Variants in THSD7A observed in about 807,000 individuals in gnomAD.
THSD7A encodes thrombospondin type 1 domain containing 7A, also known as thrombospondin type-1 domain-containing protein 7A.
Under a neutral mutation model 231.3 loss-of-function variants are expected in THSD7A, and 96 were observed. The observed-to-expected ratio is 0.41, with a 90% CI of 0.35 to 0.49. THSD7A has a LOEUF of 0.49. Ranked by LOEUF, THSD7A falls within the 20% of genes least tolerant of loss-of-function variation. THSD7A has a pLI of 0.05. For synonymous variants in THSD7A, 940 were observed against 743.3 expected (o/e 1.26, Z -4.30); for missense variants, 2,290 against 2,070.2 (o/e 1.11, Z -2.06).
At chr7:11,585,489 C>T (rs1791362279) in intron 4 of THSD7A, among the ~76,000 whole-genome samples, 1 of 152,164 alleles carries the variant, frequency 6.6e-6, no homozygotes, top group Admixed American at 6.5e-5. Flanking sequence ...TCTCCATAGG[C>T]TAATTGATAT....
Position 11,406,618 on chromosome 7 carries a change from G to A in THSD7A, c.4063-144C>T. On this transcript the variant is annotated intron_variant, in intron 21 of 27. Transcript: ENST00000423059. This position sits in a 1 kb window ranked among gnomAD's most constrained non-coding sequence, Gnocchi z 4.7. ...AACCCTAGGGAAGAAGCCCTATAGGGCACTAGCAATAAAGCATACATTGAA... is the reference window on the plus strand; with the variant it reads ...AACCCTAGGGAAGAAGCCCTATAGGACACTAGCAATAAAGCATACATTGAA... The A allele has an allele frequency of 1.1e-6, 1 of 919,292 alleles. No individual in the cohort carries two copies. The allele number at this position is 919,292 out of a possible 1,614,324, so 56.9% of individuals were successfully genotyped here. A position where few individuals can be genotyped will look rare whatever the true frequency, so the allele number is the denominator to read the frequency against.
chr7:11,631,905 A>G lies in THSD7A; in HGVS notation c.1022+4225T>C, dbSNP rs556874101. On this transcript the variant is annotated intron_variant, in intron 2 of 27. Transcript: ENST00000423059. ...CTCCTGTAAATTTTATTTAACACTCATAAGAGTTAGTACTGCAGGCTGAGA... is the reference window on the plus strand; with the variant it reads ...CTCCTGTAAATTTTATTTAACACTCGTAAGAGTTAGTACTGCAGGCTGAGA... 2.0e-5 allele frequency among the ~76,000 whole-genome samples: 3 copies of G among 152,278 alleles called. No individual in the cohort carries two copies. The South Asian group carries it at 6.2e-4, about 32-fold the overall frequency.
intron 4 of THSD7A, among the ~76,000 whole-genome samples, chr7:11,560,451 C>G (rs1249604459): frequency 1.0e-5 from 1 of 98,568 alleles, no homozygotes; most frequent in Admixed American, 1.0e-4. Flanking sequence ...TAAAATTTGT[C>G]TAAGCAAAAA....
At chr7:11,803,227 G>A (rs929814691) in intron 1 of THSD7A, among the ~76,000 whole-genome samples, 1 of 152,216 alleles carries the variant, frequency 6.6e-6, no homozygotes, top group South Asian at 2.1e-4. Flanking sequence ...GACAGGCTGA[G>A]TATTTTATCT....
intron 6 of THSD7A, among the ~76,000 whole-genome samples, chr7:11,516,943 A>C (rs1788054331): frequency 1.3e-5 from 2 of 152,326 alleles, no homozygotes; most frequent in South Asian, 4.1e-4. Flanking sequence ...GAGCCTTTAC[A>C]TGATGCAATG....
chr7:11,750,648 G>T (rs114540887), intron 1 of THSD7A, among the ~76,000 whole-genome samples: 7 of 151,916 alleles, frequency 4.6e-5, no homozygotes, highest in African/African-American at 1.7e-4. Context: ...TTGTCTGCAC[G>T]GGGACTACTG....
rs1176496716 is a variant in THSD7A, at chr7:11,377,434, T to A, written c.4802-777A>T. On this transcript the variant is annotated intron_variant, in intron 26 of 27. Transcript: ENST00000423059. The surrounding 1 kb of genome is among the most constrained non-coding windows in gnomAD (Gnocchi z 4.5). ...AATTTGATCCTCACATCAACATATA[T>A]TTTCTGTTGCAATTAAATATTTGAT... 6.6e-6 allele frequency among the ~76,000 whole-genome samples: 1 copy of A among 152,064 alleles called. No homozygotes were observed. Among genetic ancestry groups the A allele is most frequent in the African/African-American group, 2.4e-5 (1 of 41,434 alleles).
At chr7:11,545,265 A>T (rs1360819645) in intron 4 of THSD7A, among the ~76,000 whole-genome samples, 2 of 152,116 alleles carry the variant, frequency 1.3e-5, no homozygotes, top group Non-Finnish European at 2.9e-5. Flanking sequence ...ATGAAAAGTC[A>T]TTTTAAATCT....
intron 1 of THSD7A, among the ~76,000 whole-genome samples, chr7:11,726,559 C>T (rs1268925845): frequency 1.3e-5 from 2 of 151,794 alleles, no homozygotes; most frequent in Non-Finnish European, 2.9e-5. Flanking sequence ...TTTTTTGCAC[C>T]CTAATGGTTC....
intron 6 of THSD7A, among the ~76,000 whole-genome samples, chr7:11,509,882 C>G (rs111943947): frequency 0.034 from 4,972 of 145,382 alleles, 295 homozygotes; most frequent in African/African-American, 0.12. Context: ...TATTAAGAAT[C>G]TGAACATTGG....
At chr7:11,806,452 G>A (rs1266421947) in intron 1 of THSD7A, among the ~76,000 whole-genome samples, 1 of 152,090 alleles carries the variant, frequency 6.6e-6, no homozygotes, top group Non-Finnish European at 1.5e-5. Flanking sequence ...TTATAAGCAG[G>A]GACTTCAGCT....
intron 2 of THSD7A, among the ~76,000 whole-genome samples, chr7:11,595,854 C>T (rs911420877): frequency 3.9e-5 from 6 of 152,168 alleles, no homozygotes; most frequent in African/African-American, 7.2e-5. Flanking sequence ...AAAGGCAAGG[C>T]GGGCATAGCT....
chr7:11,722,757 CA>C (rs1474806267), intron 1 of THSD7A, among the ~76,000 whole-genome samples: 5 of 151,964 alleles, frequency 3.3e-5, no homozygotes, highest in Non-Finnish European at 7.4e-5. Context: ...CAGAGAAATG[CA>C]AATCAAAACC....
intron 4 of THSD7A, among the ~76,000 whole-genome samples, chr7:11,588,974 G>A (rs956990561): frequency 3.9e-5 from 6 of 152,152 alleles, no homozygotes; most frequent in Non-Finnish European, 7.3e-5. Context: ...ATTAAATTTT[G>A]AAAGTTGCAA....
At chr7:11,404,554 C>T (rs1783518751) in intron 22 of THSD7A, among the ~76,000 whole-genome samples, 1 of 152,184 alleles carries the variant, frequency 6.6e-6, no homozygotes, top group African/African-American at 2.4e-5. Context: ...GGAGCTGTCA[C>T]CTGCTGCCAC....
intron 1 of THSD7A, among the ~76,000 whole-genome samples, chr7:11,810,410 G>C (rs1312135556): frequency 6.6e-6 from 1 of 152,028 alleles, no homozygotes; most frequent in Non-Finnish European, 1.5e-5. Flanking sequence ...CCCCTTCACT[G>C]ATAGCCCCGA....
At chr7:11,462,462 T>G (rs1445127539) in intron 9 of THSD7A, among the ~76,000 whole-genome samples, 1 of 152,242 alleles carries the variant, frequency 6.6e-6, no homozygotes, top group Non-Finnish European at 1.5e-5. Flanking sequence ...ACAGATCTAA[T>G]TAATTTATTT....
chr7:11,629,850 G>A (rs1296230560), intron 2 of THSD7A, among the ~76,000 whole-genome samples: 1 of 152,038 alleles, frequency 6.6e-6, no homozygotes, highest in Non-Finnish European at 1.5e-5. Flanking sequence ...GTTTGTTTGG[G>A]GTTCATTAGA....
chr7:11,706,269 AGTGCTGTG>A (rs1428471762), intron 1 of THSD7A, among the ~76,000 whole-genome samples: 1 of 150,862 alleles, frequency 6.6e-6, no homozygotes, highest in African/African-American at 2.4e-5. Flanking sequence ...TGTCAACCCA[AGTGCTGTG>A]GTCTTGTCTG....
Sources: gnomAD v4.1 joint callset for allele counts (sites outside exome capture counted in the v4.1 genomes callset) on GRCh38, gnomAD v4.1.1 for gene constraint, Gnocchi (gnomAD v3.1) non-coding constraint, MANE v1.5 for transcripts, NCBI Gene and HGNC (gene_info 2026-07-23, HGNC 2026-07-21) for gene names.